Variants in SRRM4 observed in about 807,000 individuals in gnomAD.
SRRM4 encodes serine/arginine repetitive matrix 4, also known as serine/arginine repetitive matrix protein 4.
In SRRM4, 33 loss-of-function variants were observed where a neutral mutation model predicts 68.9. That is an observed-to-expected ratio of 0.48 (90% confidence interval 0.36 to 0.64). The LOEUF is 0.64. Ranked by LOEUF, SRRM4 falls within the 30% of genes least tolerant of loss-of-function variation. The pLI is 0.00. For synonymous variants in SRRM4, 318 were observed against 318.8 expected (o/e 1.00, Z 0.03); for missense variants, 817 against 827.1 (o/e 0.99, Z 0.15).
rs1016910080 is a variant in SRRM4 at position 119,101,804 on chromosome 12, G to C, written c.132-432G>C. Among the ~76,000 whole-genome samples the C allele has an allele frequency of 1.1e-4, 16 of 152,082 alleles. No individual in the cohort carries two copies. In the South Asian group the frequency reaches 1.4e-3, roughly 14 times the overall value. ...GCTTTGGCCTCCCATTATGTCTTGA[G>C]AAAAGAAATGAAATGCTGGTTTCCA... On this transcript the variant is annotated intron_variant, in intron 1 of 12. Transcript: ENST00000267260.
At chr12:119,108,151 C>T (rs28858405) in intron 2 of SRRM4, among the ~76,000 whole-genome samples, 5,713 of 152,250 alleles carry the variant, frequency 0.038, 182 homozygotes, top group East Asian at 0.096. Flanking sequence ...ATCCTGAGTT[C>T]TAATTTGATT....
intron 9 of SRRM4, among the ~76,000 whole-genome samples, chr12:119,149,686 C>T (rs1206322420): frequency 6.6e-6 from 1 of 152,002 alleles, no homozygotes; most frequent in African/African-American, 2.4e-5. Flanking sequence ...TTGCAGACAG[C>T]CAGAATGTTC....
intron 1 of SRRM4, among the ~76,000 whole-genome samples, chr12:118,985,836 G>A (rs1229690656): frequency 2.0e-5 from 3 of 152,154 alleles, no homozygotes; most frequent in Admixed American, 1.3e-4. Context: ...ACCAATAGTA[G>A]CAGCTAAAGG....
chr12:119,153,486 T>A, intron 10 of SRRM4, 53 bp from the exon 11 acceptor site: 1 of 1,255,678 alleles, frequency 8.0e-7, no homozygotes, highest in Non-Finnish European at 1.1e-6. Context: ...CCGTCTTGGA[T>A]AACCCAGGCG....
At chr12:119,064,800 C>T (rs1953835422) in intron 1 of SRRM4, among the ~76,000 whole-genome samples, 1 of 152,054 alleles carries the variant, frequency 6.6e-6, no homozygotes. Flanking sequence ...ACCAATTTAC[C>T]AGGCATAAAT....
At chr12:119,102,990 GC>G (rs1212138505) in intron 2 of SRRM4, among the ~76,000 whole-genome samples, 3 of 152,096 alleles carry the variant, frequency 2.0e-5, no homozygotes, top group African/African-American at 7.2e-5. Flanking sequence ...GAATATGACA[GC>G]CACTAAGTGG....
In SRRM4 at chr12:119,154,404, G is replaced by A. The variant is rs955292113; in HGVS notation, c.1532+21G>A. On this transcript the variant is annotated intron_variant, in intron 12 of 12. Coordinates refer to ENST00000267260, the MANE Select transcript of SRRM4 (RefSeq NM_194286.4). The surrounding 1 kb of genome is among the most constrained non-coding windows in gnomAD (Gnocchi z 4.7). ...ACCAGGTGAGGCCAGGGGGCAAGGG[G>A]GACCCACCTTCATCCTCGTTCCCAC... is the stretch of plus-strand genomic sequence containing the variant. The A allele has an allele frequency of 4.3e-6, 7 of 1,609,690 alleles. No individual in the cohort carries two copies. In the African/African-American group the frequency reaches 8.0e-5, roughly 18 times the overall value.
intron 1 of SRRM4, among the ~76,000 whole-genome samples, chr12:119,028,160 G>T (rs1158662216): frequency 1.3e-5 from 2 of 152,180 alleles, no homozygotes; most frequent in Non-Finnish European, 2.9e-5. Context: ...GTTCTCAGAT[G>T]ATATTTGTTC....
rs925845618 is a variant in SRRM4 at position 119,067,119 on chromosome 12, C to T, written c.132-35117C>T. On this transcript the variant is annotated intron_variant, in intron 1 of 12. Coordinates refer to ENST00000267260, the MANE Select transcript of SRRM4 (RefSeq NM_194286.4). ...TTTTCTGCTCCAGTCACTGCTTTTG[C>T]GTGTCCACCCCAAATTATCCACTTT... Among the ~76,000 whole-genome samples, 13 of 151,172 alleles carry T rather than the reference C, an allele frequency of 8.6e-5. 2 individuals are homozygous for T. Among genetic ancestry groups the T allele is most frequent in the Admixed American group, 2.7e-4 (4 of 15,048 alleles).
At chr12:119,005,641 C>T (rs957564285) in intron 1 of SRRM4, among the ~76,000 whole-genome samples, 2 of 152,168 alleles carry the variant, frequency 1.3e-5, no homozygotes, top group African/African-American at 2.4e-5. Context: ...TTAGAGCTAA[C>T]GGTGAAACCT....
At chr12:119,129,646 G>T (rs1445571537) in intron 7 of SRRM4, among the ~76,000 whole-genome samples, 1 of 152,228 alleles carries the variant, frequency 6.6e-6, no homozygotes, top group Non-Finnish European at 1.5e-5. Context: ...ACTGAATCTG[G>T]ATGGGGACCT....
Position 118,991,313 on chromosome 12 carries a change from C to T in SRRM4, c.131+9300C>T, listed in dbSNP as rs111674519. ...TGCACATGCTGCTAGGAAAGCTCTT[C>T]CTCTCCCCTGGTGCCTGATTTATAC... On this transcript the variant is annotated intron_variant, in intron 1 of 12. Transcript: ENST00000267260. Among the ~76,000 whole-genome samples, 295 of 152,332 alleles carry T rather than the reference C, an allele frequency of 1.9e-3. 3 individuals carry two copies. Among genetic ancestry groups the T allele is most frequent in the African/African-American group, 6.5e-3 (270 of 41,574 alleles).
At chr12:119,021,089 G>C (rs1050940414) in intron 1 of SRRM4, among the ~76,000 whole-genome samples, 1 of 152,152 alleles carries the variant, frequency 6.6e-6, no homozygotes, top group Non-Finnish European at 1.5e-5. Flanking sequence ...TAGACGTCAG[G>C]TAAGTCAGGG....
chr12:119,135,796 G>A (rs554333420), intron 8 of SRRM4, among the ~76,000 whole-genome samples: 103 of 152,302 alleles, frequency 6.8e-4, no homozygotes, highest in African/African-American at 2.3e-3. Flanking sequence ...AGAGAAGCTA[G>A]GGTTTGAATC....
intron 1 of SRRM4, among the ~76,000 whole-genome samples, chr12:119,024,015 G>T (rs1335982420): frequency 1.3e-5 from 2 of 152,070 alleles, no homozygotes; most frequent in Non-Finnish European, 2.9e-5. Flanking sequence ...TGGCTTTTCT[G>T]CATGTTACCT....
chr12:119,077,214 T>G (rs1016845988), intron 1 of SRRM4, among the ~76,000 whole-genome samples: 1 of 152,212 alleles, frequency 6.6e-6, no homozygotes, highest in Non-Finnish European at 1.5e-5. Flanking sequence ...TTAGAAAGTG[T>G]AAGAATCACC....
intron 2 of SRRM4, among the ~76,000 whole-genome samples, chr12:119,108,078 T>C (rs1302523188): frequency 1.3e-5 from 2 of 152,224 alleles, no homozygotes; most frequent in African/African-American, 2.4e-5. Flanking sequence ...ATGTACCCAG[T>C]AGTCATTCAG....
At chr12:119,096,734 CCAAA>C (rs1339811038) in intron 1 of SRRM4, among the ~76,000 whole-genome samples, 3 of 152,206 alleles carry the variant, frequency 2.0e-5, no homozygotes, top group Admixed American at 6.5e-5. Context: ...CTCTGATTCC[CCAAA>C]CAGTGTTTAA....
chr12:119,025,185 T>G (rs2136003431), intron 1 of SRRM4, among the ~76,000 whole-genome samples: 1 of 151,924 alleles, frequency 6.6e-6, no homozygotes, highest in Non-Finnish European at 1.5e-5. Flanking sequence ...AAAGAACATT[T>G]ACATTGAGAT....
Sources: gnomAD v4.1 joint callset for allele counts (sites outside exome capture counted in the v4.1 genomes callset) on GRCh38, gnomAD v4.1.1 for gene constraint, Gnocchi (gnomAD v3.1) non-coding constraint, MANE v1.5 for transcripts, NCBI Gene and HGNC (gene_info 2026-07-23, HGNC 2026-07-21) for gene names.